NBDY: variants seen among roughly 807,000 people sequenced by gnomAD.
NBDY encodes the protein negative regulator of P-body association.
chrX:56,739,675 G>A (rs144893057), intron 2 of NBDY, among the ~76,000 whole-genome samples: 309 of 110,836 alleles, frequency 2.8e-3, no homozygotes, highest in Non-Finnish European at 4.9e-3. Flanking sequence ...CATGATGCTG[G>A]TTTGACCCTT....
intron 2 of NBDY, among the ~76,000 whole-genome samples, chrX:56,791,154 C>G (rs1442672781): frequency 8.9e-6 from 1 of 112,512 alleles, no homozygotes; most frequent in Non-Finnish European, 1.9e-5. Context: ...CCTCCCTTCA[C>G]TTTTTTCTTC....
At chrX:56,798,716 G>A (rs747570166) in intron 2 of NBDY, among the ~76,000 whole-genome samples, 4 of 111,913 alleles carry the variant, frequency 3.6e-5, no homozygotes, top group Non-Finnish European at 7.5e-5. Flanking sequence ...GCAGGAGCAG[G>A]AGACATGAAA....
intron 2 of NBDY, among the ~76,000 whole-genome samples, chrX:56,758,985 G>T (rs760105199): frequency 1.8e-5 from 2 of 112,199 alleles, no homozygotes; most frequent in South Asian, 3.7e-4. Context: ...TCTAAAGGTT[G>T]CATGTCCTAC....
At chrX:56,736,309 GGCTGAAGTGCAGTGGC>G (rs1481262542) in intron 2 of NBDY, among the ~76,000 whole-genome samples, 4 of 111,823 alleles carry the variant, frequency 3.6e-5, no homozygotes, top group Non-Finnish European at 7.5e-5. Context: ...CTGTCGCTCA[GGCTGAAGTGCAGTGGC>G]GCAATCTAGG....
intron 2 of NBDY, among the ~76,000 whole-genome samples, chrX:56,749,055 G>T (rs1276007523): frequency 9.2e-6 from 1 of 109,069 alleles, no homozygotes; most frequent in Admixed American, 9.9e-5. Context: ...AAAGAAATAG[G>T]CCTGGTTGTT....
intron 2 of NBDY, among the ~76,000 whole-genome samples, chrX:56,758,944 C>T (rs2069624872): frequency 8.9e-6 from 1 of 112,064 alleles, no homozygotes; most frequent in Non-Finnish European, 1.9e-5. Context: ...ATACAGAGCC[C>T]ATGTTGGGTG....
intron 2 of NBDY, among the ~76,000 whole-genome samples, chrX:56,797,160 CCTT>C (rs201280862): frequency 1.8e-3 from 189 of 104,939 alleles, no homozygotes; most frequent in African/African-American, 4.1e-3. Context: ...CCCTCCTTCT[CCTT>C]CTTCTTCTTC....
intron 2 of NBDY, among the ~76,000 whole-genome samples, chrX:56,802,869 G>T (rs987713899): frequency 2.7e-5 from 3 of 112,750 alleles, no homozygotes; most frequent in African/African-American, 9.7e-5. Flanking sequence ...AGGTCGTAGG[G>T]TCCCTTAAGT....
chrX:56,749,766 C>T (rs2069575051), intron 2 of NBDY, among the ~76,000 whole-genome samples: 1 of 109,596 alleles, frequency 9.1e-6, no homozygotes, highest in Non-Finnish European at 1.9e-5. Context: ...ATCCTCCTGC[C>T]TCAACCCCCC....
At chrX:56,749,738 A>G (rs1271616904) in intron 2 of NBDY, among the ~76,000 whole-genome samples, 2 of 105,820 alleles carry the variant, frequency 1.9e-5, no homozygotes, top group Non-Finnish European at 3.9e-5. Context: ...TGCAGCCTCG[A>G]CCTCCCGGGT....
chrX:56,755,587 T>C (rs1393760940), intron 2 of NBDY, among the ~76,000 whole-genome samples: 1 of 111,537 alleles, frequency 9.0e-6, no homozygotes, highest in African/African-American at 3.3e-5. Flanking sequence ...AAAACCACAA[T>C]GAGATACCGT....
chrX:56,816,957 A>G (rs2069913530), intron 2 of NBDY, among the ~76,000 whole-genome samples: 1 of 111,617 alleles, frequency 9.0e-6, no homozygotes, highest in Non-Finnish European at 1.9e-5. Context: ...TCAAGGGGCT[A>G]TGAGGGAACA....
At chrX:56,761,726 A>G (rs989378597) in intron 2 of NBDY, among the ~76,000 whole-genome samples, 2 of 113,048 alleles carry the variant, frequency 1.8e-5, no homozygotes, top group Admixed American at 1.9e-4. Context: ...GCAAGCGAAC[A>G]TATTTAGGGA....
At chrX:56,752,333 G>A (rs771825527) in intron 2 of NBDY, among the ~76,000 whole-genome samples, 48 of 111,983 alleles carry the variant, frequency 4.3e-4, no homozygotes, top group African/African-American at 1.3e-3. Context: ...CAATGTATAC[G>A]TGTTCCCATT....
intron 2 of NBDY, among the ~76,000 whole-genome samples, chrX:56,793,839 C>T (rs1319983927): frequency 9.0e-6 from 1 of 111,221 alleles, no homozygotes; most frequent in Non-Finnish European, 1.9e-5. Flanking sequence ...AAATGGCTTC[C>T]CCTGGCAGTC....
chrX:56,801,158 T>C (rs1009334699), intron 2 of NBDY, among the ~76,000 whole-genome samples: 10 of 111,708 alleles, frequency 9.0e-5, no homozygotes, highest in African/African-American at 2.9e-4. Context: ...CTTGGTGTTG[T>C]GTCCTTTCAC....
chrX:56,741,238 C>T (rs1489510191), intron 2 of NBDY, among the ~76,000 whole-genome samples: 1 of 111,693 alleles, frequency 9.0e-6, no homozygotes, highest in Non-Finnish European at 1.9e-5. Flanking sequence ...GTTCATGTAT[C>T]TGTTGATGAA....
rs1376420346 is a variant in NBDY, at chrX:56,788,128, C to T, written c.*167-29192C>T. Among the ~76,000 whole-genome samples the T allele has an allele frequency of 3.6e-5, 4 of 112,555 alleles. No individual in the cohort carries two copies. In the East Asian group the frequency reaches 1.1e-3, roughly 31 times the overall value. On this transcript the variant is annotated intron_variant, in intron 2 of 2. Coordinates refer to ENST00000374922, the MANE Select transcript of NBDY (RefSeq NM_001348129.2). ...AGGCTGGCTGCCTCCATAGCATTCC[C>T]GCAGGGTCTCCAGGCTACTGGTCCT...
rs777384425 is a variant in NBDY at position 56,762,241 on chromosome X, T to C, written c.*166+30042T>C. On this transcript the variant is annotated intron_variant, in intron 2 of 2. Coordinates refer to ENST00000374922, the MANE Select transcript of NBDY (RefSeq NM_001348129.2). ...CTTGTTCTTTTTCTCCATCTGGTTC[T>C]TCTTCCTCTTCCTCCTCTTCCTCTT... 3.4e-4 allele frequency among the ~76,000 whole-genome samples: 38 copies of C among 111,448 alleles called. 1 individual carries two copies. In the South Asian group the frequency reaches 0.014, roughly 41 times the overall value.
Sources: gnomAD v4.1 joint callset for allele counts (sites outside exome capture counted in the v4.1 genomes callset) on GRCh38, gnomAD v4.1.1 for gene constraint, MANE v1.5 for transcripts, NCBI Gene and HGNC (gene_info 2026-07-23, HGNC 2026-07-21) for gene names.